ATL2: variants seen among roughly 807,000 people sequenced by gnomAD.
ATL2 encodes atlastin-2.
ATL2 carries 31 observed loss-of-function variants against 73.9 expected under a neutral mutation model. The observed-to-expected ratio is 0.42, with a 90% confidence interval of 0.32 to 0.57. ATL2 has a LOEUF of 0.57. Among genes scored for constraint, ATL2 ranks in the 20% least tolerant of loss-of-function variants. ATL2 has a pLI of 0.14. For synonymous variants in ATL2, 291 were observed against 237.5 expected, an observed-to-expected ratio of 1.23 and a Z score of -2.07; for missense variants, 738 against 702.6, an observed-to-expected ratio of 1.05 and a Z score of -0.57.
intron 2 of ATL2, among the ~76,000 whole-genome samples, chr2:38,329,959 T>C (rs938709350): frequency 6.6e-6 from 1 of 151,790 alleles, no homozygotes; most frequent in Non-Finnish European, 1.5e-5. Flanking sequence ...CAAAACCCCA[T>C]CTCTACTAAA....
intron 4 of ATL2, among the ~76,000 whole-genome samples, chr2:38,316,562 AC>A (rs11302815): frequency 0.095 from 14,383 of 151,064 alleles, 2,270 homozygotes; most frequent in African/African-American, 0.33. Context: ...AAAGAAAACT[AC>A]CCCCCCCACC....
intron 1 of ATL2, chr2:38,359,481 A>C (rs1339286179): frequency 6.6e-6 from 1 of 151,796 alleles, no homozygotes; most frequent in African/African-American, 2.4e-5. Context: ...CCATCTCAAA[A>C]AAAAAAAAAA....
chr2:38,306,465 C>T (rs1380989081), intron 9 of ATL2, among the ~76,000 whole-genome samples: 1 of 152,146 alleles, frequency 6.6e-6, no homozygotes, highest in Non-Finnish European at 1.5e-5. Context: ...CCCTGATGAA[C>T]ACTGTTGCAA....
chr2:38,345,810 C>A (rs114215336), intron 1 of ATL2, among the ~76,000 whole-genome samples: 218 of 152,258 alleles, frequency 1.4e-3, no homozygotes, highest in African/African-American at 5.0e-3. Flanking sequence ...CAAACTGCCT[C>A]GATGCATGTC....
At chr2:38,308,501 G>A (rs544582649) in intron 9 of ATL2, among the ~76,000 whole-genome samples, 1 of 152,048 alleles carries the variant, frequency 6.6e-6, no homozygotes, top group South Asian at 2.1e-4. Flanking sequence ...TGGTTAATGG[G>A]TACAAAAATA....
intron 1 of ATL2, among the ~76,000 whole-genome samples, chr2:38,347,835 C>G (rs1339979986): frequency 1.4e-5 from 2 of 147,218 alleles, no homozygotes; most frequent in Non-Finnish European, 3.0e-5. Context: ...GGTGAGATCT[C>G]GACTCACTGC....
Position 38,356,005 on chromosome 2 carries a change from A to G in ATL2, c.119-12493T>C, listed in dbSNP as rs551702554. Among the ~76,000 whole-genome samples, 116 of 151,454 alleles carry G rather than the reference A, an allele frequency of 7.7e-4. 1 individual carries two copies. The highest frequency in any genetic ancestry group is 2.7e-3 in the African/African-American group (111 of 41,296). On this transcript the variant is annotated intron_variant, in intron 1 of 12. Coordinates refer to ENST00000378954, the MANE Select transcript of ATL2 (RefSeq NM_001135673.4). Reference sequence around the variant, plus strand: ...AGCCACCATGCCTGGCCACATTTGGAGAGTTTAACAACTCTAAGTAATCAA... The same window carrying G: ...AGCCACCATGCCTGGCCACATTTGGGGAGTTTAACAACTCTAAGTAATCAA...
Position 38,343,226 on chromosome 2 carries a change from C to G in ATL2, c.363+42G>C, listed in dbSNP as rs375586123. 13 of 1,223,842 alleles carry G rather than the reference C, an allele frequency of 1.1e-5. No individual in the cohort carries two copies. The African/African-American group carries it at 1.2e-4, about 11-fold the overall frequency. The allele number at this position is 1,223,842 out of a possible 1,614,324, so 75.8% of individuals were successfully genotyped here. A position where few individuals can be genotyped will look rare whatever the true frequency, so the allele number is the denominator to read the frequency against. On this transcript the variant is annotated intron_variant, in intron 2 of 12. Transcript: ENST00000378954. ...ATTTTTTTAACAGGCATGGTTGGTA[C>G]TTTTTTCTTTTTAATTGGGTTCAAT...
intron 9 of ATL2, among the ~76,000 whole-genome samples, chr2:38,302,410 G>A (rs562849311): frequency 1.1e-4 from 17 of 152,178 alleles, no homozygotes; most frequent in African/African-American, 4.1e-4. Context: ...AAGGCCAGAG[G>A]GAACTTGCTA....
chr2:38,300,175 C>A, intron 10 of ATL2, 97 bp downstream of exon 10: 1 of 1,068,948 alleles, frequency 9.4e-7, no homozygotes, highest in Admixed American at 1.9e-5. Flanking sequence ...TGCAAAAAAG[C>A]ACCCCCCATT....
At chr2:38,358,045 G>C (rs867988825) in intron 1 of ATL2, among the ~76,000 whole-genome samples, 20 of 152,222 alleles carry the variant, frequency 1.3e-4, no homozygotes, top group Admixed American at 5.2e-4. Flanking sequence ...TGCATATCCT[G>C]ATTCAATAAA....
At chr2:38,367,822 G>A (rs1671429488) in intron 1 of ATL2, among the ~76,000 whole-genome samples, 1 of 150,964 alleles carries the variant, frequency 6.6e-6, no homozygotes, top group African/African-American at 2.4e-5. Flanking sequence ...TAGTAGAGAT[G>A]GGGTTTCACC....
At chr2:38,325,851 C>G (rs2148451448) in intron 2 of ATL2, among the ~76,000 whole-genome samples, 1 of 149,080 alleles carries the variant, frequency 6.7e-6, no homozygotes, top group Admixed American at 6.7e-5. Flanking sequence ...AATTAGCCAA[C>G]TCCAGCCCCA....
intron 2 of ATL2, among the ~76,000 whole-genome samples, chr2:38,320,054 C>G (rs1346451554): frequency 6.6e-6 from 1 of 152,108 alleles, no homozygotes; most frequent in Admixed American, 6.6e-5. Flanking sequence ...TTGCAGTGAG[C>G]AGAGATCGCG....
chr2:38,365,301 G>T (rs1425705661), intron 1 of ATL2, among the ~76,000 whole-genome samples: 1 of 152,116 alleles, frequency 6.6e-6, no homozygotes, highest in Non-Finnish European at 1.5e-5. Context: ...TGGAAATTTA[G>T]ACACTAAGTT....
chr2:38,299,170 A>G lies in ATL2; in HGVS notation c.1200+86T>C, dbSNP rs1351090631. ...ACCATAAGCTGCACAAATTCGCTCA[A>G]TTATTTAAAAAATTTTTTTAATTTT... On this transcript the variant is annotated intron_variant, in intron 11 of 12. Transcript: ENST00000378954. The G allele has an allele frequency of 3.9e-5, 50 of 1,297,536 alleles. No individual in the cohort carries two copies. The East Asian group carries it at 1.4e-3, about 35-fold the overall frequency. The allele number at this position is 1,297,536 out of a possible 1,614,324, so 80.4% of individuals were successfully genotyped here. A position where few individuals can be genotyped will look rare whatever the true frequency, so the allele number is the denominator to read the frequency against.
intron 1 of ATL2, among the ~76,000 whole-genome samples, chr2:38,343,836 T>C (rs1323220039): frequency 2.0e-5 from 3 of 152,198 alleles, no homozygotes; most frequent in South Asian, 2.1e-4. Flanking sequence ...GTTCTCATGA[T>C]AGTGAATAAG....
intron 1 of ATL2, among the ~76,000 whole-genome samples, chr2:38,372,645 G>A (rs187356808): frequency 6.6e-6 from 1 of 152,280 alleles, no homozygotes; most frequent in East Asian, 1.9e-4. Context: ...TTATTAAAAT[G>A]AAGATAGCTA....
chr2:38,319,225 C>T (rs537972670), intron 2 of ATL2, among the ~76,000 whole-genome samples: 178 of 152,274 alleles, frequency 1.2e-3, no homozygotes, highest in Non-Finnish European at 7.1e-4. Flanking sequence ...CCTCCAAACT[C>T]GAATCTTCTC....
Sources: allele counts gnomAD v4.1 joint callset (sites outside exome capture counted in the v4.1 genomes callset), GRCh38; gene constraint gnomAD v4.1.1; transcripts MANE v1.5; gene names NCBI Gene and HGNC (gene_info 2026-07-23, HGNC 2026-07-21).